Variants in SPPL3 observed in about 807,000 individuals in gnomAD.
SPPL3 encodes signal peptide peptidase-like 3.
A neutral mutation model predicts 42.4 loss-of-function variants in SPPL3; 5 were observed. The observed-to-expected ratio is 0.12, with a 90% CI of 0.06 to 0.25. The LOEUF (loss-of-function observed/expected upper bound fraction) is 0.25. Ranked by LOEUF, SPPL3 falls within the 10% of genes least tolerant of loss-of-function variation. The probability of loss-of-function intolerance (pLI) is 1.00; values close to 1 mark genes in which losing one functional copy is unlikely to be tolerated. For missense variants in SPPL3, 235 were observed against 489.0 expected (o/e 0.48, Z 4.90); for synonymous variants, 195 against 181.8 (o/e 1.07, Z -0.58).
chr12:120,881,174 A>G (rs1351376571), intron 1 of SPPL3, among the ~76,000 whole-genome samples: 1 of 151,944 alleles, frequency 6.6e-6, no homozygotes, highest in Non-Finnish European at 1.5e-5. Context: ...GATCCTCAAA[A>G]AATTAAAATG....
intron 2 of SPPL3, among the ~76,000 whole-genome samples, chr12:120,800,541 C>G (rs1322032591): frequency 6.6e-6 from 1 of 151,988 alleles, no homozygotes; most frequent in Non-Finnish European, 1.5e-5. Context: ...AAAAAGAAAT[C>G]AATGTTTAAA....
chr12:120,878,843 G>A (rs1264917975), intron 1 of SPPL3, among the ~76,000 whole-genome samples: 1 of 152,148 alleles, frequency 6.6e-6, no homozygotes, highest in Non-Finnish European at 1.5e-5. Flanking sequence ...GCCGGGCGCA[G>A]TGGCTCATAC....
At chr12:120,814,235 A>G (rs538806387) in intron 1 of SPPL3, among the ~76,000 whole-genome samples, 6 of 152,184 alleles carry the variant, frequency 3.9e-5, no homozygotes, top group Non-Finnish European at 7.3e-5. Context: ...ATACAAGAAT[A>G]TATGTTTTGG....
intron 2 of SPPL3, among the ~76,000 whole-genome samples, chr12:120,809,368 C>T (rs1041145854): frequency 4.6e-5 from 7 of 151,360 alleles, no homozygotes; most frequent in African/African-American, 1.2e-4. Flanking sequence ...CCAAAAAAAA[C>T]CTTTTATCGG....
intron 1 of SPPL3, among the ~76,000 whole-genome samples, chr12:120,873,303 C>G (rs1306884083): frequency 6.6e-6 from 1 of 152,144 alleles, no homozygotes; most frequent in Non-Finnish European, 1.5e-5. Context: ...CCTAAGTAAC[C>G]TGTGGAACAC....
chr12:120,869,003 T>C (rs1043022405), intron 1 of SPPL3, among the ~76,000 whole-genome samples: 11 of 152,196 alleles, frequency 7.2e-5, no homozygotes, highest in Non-Finnish European at 1.0e-4. Context: ...ATTGAAATTA[T>C]ATTAATAGTC....
chr12:120,856,972 C>G (rs569965264), intron 1 of SPPL3, among the ~76,000 whole-genome samples: 1 of 152,054 alleles, frequency 6.6e-6, no homozygotes, highest in Non-Finnish European at 1.5e-5. Context: ...GTGATAGGGA[C>G]CCTCTAAACT....
At chr12:120,765,130 G>A in intron 10 of SPPL3, 60 bp from the exon 11 acceptor site, 1 of 1,528,466 alleles carries the variant, frequency 6.5e-7, no homozygotes. Flanking sequence ...ACAGCTGTCT[G>A]ATTCTTTAAA....
rs1212902058 is a variant in SPPL3 at position 120,780,583 on chromosome 12, TATTTA to T, written c.502+2067_502+2071del. Among the ~76,000 whole-genome samples, 8 of 122,560 alleles carry T rather than the reference TATTTA, an allele frequency of 6.5e-5. No homozygotes were observed. The East Asian group carries it at 1.7e-3, about 25-fold the overall frequency. 80.4% of individuals were successfully genotyped at this position (122,560 alleles called of 152,430 possible). ...GGGCAACATGAAGACACCCTGTCTC[TATTTA>T]AAAAAAAAAAAAAAAAAAGCTGGGC... On this transcript the variant is annotated intron_variant, in intron 6 of 10. Transcript: ENST00000353487.
chr12:120,782,698 G>T lies in SPPL3; in HGVS notation c.459C>A (p.Leu153=). The change falls in exon 6 of 11, where the codon CTC becomes CTA. Residue 153 remains leucine, a synonymous_variant. Transcript: ENST00000353487. ...ELLSFSLSVM[L]VLIWVLTGHW... is the part of the protein sequence containing the mutation. ...GGCCAGTGAGAACCCAGATGAGGAC[G>T]AGCATGACAGACAGAGAGAATGACA... 2 of 1,611,750 alleles carry T rather than the reference G, an allele frequency of 1.2e-6. No individual in the cohort carries two copies. Among genetic ancestry groups the T allele is most frequent in the South Asian group, 2.2e-5 (2 of 90,622 alleles).
chr12:120,799,919 G>A (rs1480072327), intron 2 of SPPL3, among the ~76,000 whole-genome samples: 1 of 152,102 alleles, frequency 6.6e-6, no homozygotes, highest in Non-Finnish European at 1.5e-5. Flanking sequence ...TTTAAATAAA[G>A]CCTTTGCAAA....
In SPPL3 at chr12:120,832,549, T is replaced by C. The variant is rs541572051; in HGVS notation, c.24-21663A>G. Among the ~76,000 whole-genome samples, 5 of 152,122 alleles carry C rather than the reference T, an allele frequency of 3.3e-5. No individual in the cohort carries two copies. The South Asian group carries it at 1.0e-3, about 32-fold the overall frequency. ...TTAGCCAGGTGTAGTGGCGCATGCC[T>C]GTAATCCCAGCTACTCGGGAGGCTG... On this transcript the variant is annotated intron_variant, in intron 1 of 10. Coordinates refer to ENST00000353487, the MANE Select transcript of SPPL3 (RefSeq NM_139015.5).
At chr12:120,875,046 A>C (rs1413081630) in intron 1 of SPPL3, among the ~76,000 whole-genome samples, 1 of 152,184 alleles carries the variant, frequency 6.6e-6, no homozygotes, top group Non-Finnish European at 1.5e-5. Flanking sequence ...AGCCAGCATC[A>C]ACTGCTTAAC....
In SPPL3 at chr12:120,767,446, C is replaced by T; in HGVS notation, c.921G>A (p.Gly307=). Residue 307 remains glycine, a synonymous_variant, in exon 9 of 11, where the codon GGG becomes GGA. Transcript: ENST00000353487. The stretch of plus-strand genomic sequence containing the variant: ...GAAAGTAGGAGACCTTCTGCATGCG[C>T]CCGGAGATGTTGGCAGGTCCAGGGG... The part of the protein sequence containing the change: ...CGAPGPANIS[G]RMQKVSYFHC... The T allele has an allele frequency of 6.2e-7, 1 of 1,614,008 alleles. No individual in the cohort carries two copies. The highest frequency in any genetic ancestry group is 8.5e-7 in the Non-Finnish European group (1 of 1,180,032).
At chr12:120,841,824 C>G (rs967795133) in intron 1 of SPPL3, among the ~76,000 whole-genome samples, 3 of 152,162 alleles carry the variant, frequency 2.0e-5, no homozygotes, top group African/African-American at 7.2e-5. Context: ...GGCTCAATAT[C>G]TGACAAGCTA....
intron 1 of SPPL3, among the ~76,000 whole-genome samples, chr12:120,869,118 C>CA (rs1190102838): frequency 6.6e-6 from 1 of 152,012 alleles, no homozygotes; most frequent in Non-Finnish European, 1.5e-5. Context: ...ACTCGAGCAC[C>CA]AATACACTAG....
Position 120,805,520 on chromosome 12 carries a change from G to A in SPPL3, c.101+5289C>T, listed in dbSNP as rs80183966. ...CTATTCGACACTGTACAATAAGGGA[G>A]AAAAAGGGAAAAAGACAAAGTCTTT... On this transcript the variant is annotated intron_variant, in intron 2 of 10. Coordinates refer to ENST00000353487, the MANE Select transcript of SPPL3 (RefSeq NM_139015.5). Among the ~76,000 whole-genome samples, 421 of 152,182 alleles carry A rather than the reference G, an allele frequency of 2.8e-3. 1 individual carries two copies. The highest frequency in any genetic ancestry group is 9.8e-3 in the African/African-American group (407 of 41,538).
At chr12:120,800,777 AC>A (rs1870264279) in intron 2 of SPPL3, among the ~76,000 whole-genome samples, 2 of 152,324 alleles carry the variant, frequency 1.3e-5, no homozygotes, top group African/African-American at 4.8e-5. Flanking sequence ...AAGACTAAGA[AC>A]CTGGGCAGGA....
intron 3 of SPPL3, among the ~76,000 whole-genome samples, chr12:120,788,070 T>C (rs1358522821): frequency 6.6e-6 from 1 of 152,246 alleles, no homozygotes; most frequent in African/African-American, 2.4e-5. Flanking sequence ...CTGTCACCTT[T>C]AGTAGGTAAA....
Sources: gnomAD v4.1 joint callset for allele counts (sites outside exome capture counted in the v4.1 genomes callset) on GRCh38, gnomAD v4.1.1 for gene constraint, MANE v1.5 for transcripts, NCBI Gene and HGNC (gene_info 2026-07-23, HGNC 2026-07-21) for gene names.